Variants in ANK2 observed in about 807,000 individuals in gnomAD.
ANK2 encodes the protein ankyrin-2.
Under a neutral mutation model 360.5 loss-of-function variants are expected in ANK2, and 83 were observed. The observed-to-expected ratio is 0.23, with a 90% CI of 0.19 to 0.28. The LOEUF (loss-of-function observed/expected upper bound fraction) is 0.28, where lower values mean the gene tolerates loss of function less well. ANK2 is among the 10% of genes least tolerant of loss of function. The pLI is 1.00. For missense variants in ANK2, 4,201 were observed against 4,795.7 expected (o/e 0.88, Z 3.66); for synonymous variants, 1,740 against 1,759.5 (o/e 0.99, Z 0.28).
intron 1 of ANK2, among the ~76,000 whole-genome samples, chr4:112,840,451 T>C (rs998617233): frequency 6.6e-6 from 1 of 152,114 alleles, no homozygotes; most frequent in East Asian, 1.9e-4. Flanking sequence ...TGGTGCAAAT[T>C]CTGTCCTCCA....
chr4:112,951,064 AGAGC>A (rs1408254775), intron 2 of ANK2, among the ~76,000 whole-genome samples: 1 of 134,368 alleles, frequency 7.4e-6, no homozygotes, highest in Non-Finnish European at 1.5e-5. Flanking sequence ...CCTGGGCGAC[AGAGC>A]GAGCCTCCGT....
chr4:113,282,348 G>A (rs1160704758), intron 17 of ANK2, among the ~76,000 whole-genome samples: 2 of 152,180 alleles, frequency 1.3e-5, no homozygotes, highest in Admixed American at 6.5e-5. Context: ...ATCATCCCCA[G>A]TATTTAAAGG....
At chr4:112,801,643 A>C in the ANK2 span, among the ~76,000 whole-genome samples, 31 of 152,204 alleles carry the variant, frequency 2.0e-4, no homozygotes, top group Non-Finnish European at 1.5e-5. Context: ...GAAAAAGAAA[A>C]GTCTTTCTTG....
intron 45 of ANK2, chr4:113,378,228 A>T (rs928971777): frequency 1.1e-5 from 11 of 978,542 alleles, no homozygotes; most frequent in Non-Finnish European, 1.4e-5. Context: ...CACCATAAAA[A>T]TTTTTCCAAT....
chr4:113,301,639 C>G (rs2075068915), intron 22 of ANK2, among the ~76,000 whole-genome samples: 1 of 152,126 alleles, frequency 6.6e-6, no homozygotes, highest in Non-Finnish European at 1.5e-5. Flanking sequence ...ATGCTCCTCC[C>G]CCTTCCTTCT....
rs557120244 is a variant in ANK2, at chr4:113,200,018, T to C, written c.384+909T>C. Among the ~76,000 whole-genome samples, 3 of 152,328 alleles carry C rather than the reference T, an allele frequency of 2.0e-5. No homozygotes were observed. In the South Asian group the frequency reaches 6.2e-4, roughly 32 times the overall value. The stretch of plus-strand genomic sequence containing the variant: ...ACCTAGAAAATACAAAAGGCAATGG[T>C]TAAATCAGCCCTATTTTCTTTGATT... On this transcript the variant is annotated intron_variant, in intron 4 of 45. Coordinates refer to ENST00000357077, the MANE Select transcript of ANK2 (RefSeq NM_001148.6).
At chr4:113,288,551 C>A in intron 20 of ANK2, 65 bp downstream of exon 20, 1 of 1,328,622 alleles carries the variant, frequency 7.5e-7, no homozygotes, top group Admixed American at 1.7e-5. Context: ...GGATGCTTCA[C>A]TAGTTTACCA....
chr4:113,057,199 T>C (rs750987664), intron 1 of ANK2, among the ~76,000 whole-genome samples: 31 of 152,280 alleles, frequency 2.0e-4, no homozygotes, highest in Non-Finnish European at 4.0e-4. Flanking sequence ...AGAAATATTA[T>C]AGGTATACTC....
rs565952102 is a variant in ANK2, at chr4:113,274,541, G to A, written c.1575G>A (p.Ala525=). 6.4e-5 allele frequency: 104 copies of A among 1,614,190 alleles called. No homozygotes were observed. The highest frequency in any genetic ancestry group is 4.6e-4 in the South Asian group (42 of 91,086). The change falls in exon 15 of 46, where the codon GCG becomes GCA. Residue 525 remains alanine, a synonymous_variant. Coordinates refer to ENST00000357077, the MANE Select transcript of ANK2 (RefSeq NM_001148.6). ...LLLQHMAHPD[A]ATTNGYTPLH... ...TACAACATATGGCTCATCCAGATGC[G>A]GCCACTACAAATGGGTACACACCAC...
intron 1 of ANK2, among the ~76,000 whole-genome samples, chr4:113,073,899 G>A (rs191735155): frequency 6.6e-6 from 1 of 152,306 alleles, no homozygotes; most frequent in East Asian, 1.9e-4. Context: ...ATTATTTCCA[G>A]TATGTTTGCT....
rs1052108107 is a variant in ANK2 at position 113,032,179 on chromosome 4, T to C, written c.21+127665T>C. On this transcript the variant is annotated intron_variant, in intron 2 of 30. Coordinates refer to the ANK2 transcript ENST00000503271. ...GGCTGCACACACTGTTTGAAAAATA[T>C]ATGCAACTTAAATCATAAGCTTGTT... is the stretch of plus-strand genomic sequence containing the variant. Among the ~76,000 whole-genome samples the C allele has an allele frequency of 5.9e-5, 9 of 152,102 alleles. No individual in the cohort carries two copies. In the South Asian group the frequency reaches 6.2e-4, roughly 10 times the overall value.
intron 36 of ANK2, among the ~76,000 whole-genome samples, chr4:113,349,339 A>T (rs970024494): frequency 2.0e-5 from 3 of 152,174 alleles, no homozygotes; most frequent in African/African-American, 7.2e-5. Context: ...AGTTATATGT[A>T]AATGTTTTCA....
intron 1 of ANK2, among the ~76,000 whole-genome samples, chr4:113,093,415 G>A (rs1426494822): frequency 6.6e-6 from 1 of 152,070 alleles, no homozygotes; most frequent in Non-Finnish European, 1.5e-5. Context: ...AGGCTGGAGT[G>A]CAGTGGTGTA....
In ANK2 at chr4:112,920,124, G is replaced by A. The variant is rs575182500; in HGVS notation, c.21+15610G>A. On this transcript the variant is annotated intron_variant, in intron 2 of 30. Coordinates refer to the ANK2 transcript ENST00000503271. ...AGTGGCAAAATTAGGTCTAGAACTC[G>A]TGTCTCTTGCCTCTAAGCCCAGGAC... is the stretch of plus-strand genomic sequence containing the variant. 7.8e-4 allele frequency among the ~76,000 whole-genome samples: 118 copies of A among 152,172 alleles called. 1 individual carries two copies. Among genetic ancestry groups the A allele is most frequent in the Non-Finnish European group, 1.5e-3 (99 of 67,994 alleles).
chr4:112,987,324 G>A (rs1382215306), intron 2 of ANK2, among the ~76,000 whole-genome samples: 4 of 152,192 alleles, frequency 2.6e-5, no homozygotes, highest in Non-Finnish European at 5.9e-5. Flanking sequence ...GCAGGTGGCC[G>A]TGCAGCCTGG....
chr4:113,134,303 TTTCTC>T (rs1402854510), intron 1 of ANK2, among the ~76,000 whole-genome samples: 2 of 135,868 alleles, frequency 1.5e-5, no homozygotes, highest in Admixed American at 8.2e-5. Context: ...TTTTTTTTTT[TTTCTC>T]ACTGCAACCA....
Position 113,356,768 on chromosome 4 carries a change from A to G in ANK2, c.8150A>G (p.Gln2717Arg). Residue 2717 changes from glutamine to arginine, a missense_variant, in exon 38 of 46, where the codon CAA becomes CGA. Physicochemically the swap from Gln to Arg is conservative, Grantham distance 43. Transcript: ENST00000357077. ...EVQFQPVVSK[Q>R]YTFKMNEDTQ... is the part of the protein sequence containing the mutation. ...CAATTCCAGCCTGTCGTTTCCAAACAATATACTTTCAAGATGAATGAAGAT... is the reference window on the plus strand; with the variant it reads ...CAATTCCAGCCTGTCGTTTCCAAACGATATACTTTCAAGATGAATGAAGAT... 6.2e-7 allele frequency: 1 copy of G among 1,614,170 alleles called. No individual in the cohort carries two copies. The highest frequency in any genetic ancestry group is 8.5e-7 in the Non-Finnish European group (1 of 1,180,002).
At chr4:113,307,017 C>T (rs1389394887) in intron 23 of ANK2, among the ~76,000 whole-genome samples, 2 of 152,170 alleles carry the variant, frequency 1.3e-5, no homozygotes, top group Non-Finnish European at 2.9e-5. Context: ...GCTTCCCAGC[C>T]ATAAATGATG....
chr4:113,183,947 T>C (rs2098464919), intron 2 of ANK2, among the ~76,000 whole-genome samples: 1 of 150,796 alleles, frequency 6.6e-6, no homozygotes, highest in Non-Finnish European at 1.5e-5. Flanking sequence ...GGAAGAAAAA[T>C]AGTTTAAAAG....
Sources: allele counts gnomAD v4.1 joint callset (sites outside exome capture counted in the v4.1 genomes callset), GRCh38; gene constraint gnomAD v4.1.1; transcripts MANE v1.5; gene names NCBI Gene and HGNC (gene_info 2026-07-23, HGNC 2026-07-21).